The following CNTN5 variants were observed in gnomAD, a reference collection of about 807,000 sequenced individuals.
CNTN5 encodes the protein contactin 5.
A neutral mutation model predicts 129.1 loss-of-function variants in CNTN5; 77 were observed. The ratio of observed to expected loss-of-function variants is 0.60; its 90% CI spans 0.50 to 0.72. CNTN5 has a LOEUF of 0.72. Among genes scored for constraint, CNTN5 ranks in the 30% least tolerant of loss-of-function variants. CNTN5 has a pLI of 0.00. For synonymous variants in CNTN5, 509 were observed against 465.6 expected, an observed-to-expected ratio of 1.09 and a Z score of -1.20; for missense variants, 1,478 against 1,328.8, an observed-to-expected ratio of 1.11 and a Z score of -1.75.
intron 2 of CNTN5, among the ~76,000 whole-genome samples, chr11:99,395,391 G>A (rs548132159): frequency 6.6e-6 from 1 of 151,494 alleles, no homozygotes; most frequent in Non-Finnish European, 1.5e-5. Flanking sequence ...GGTATTGTTT[G>A]TTGGTTTTCT....
chr11:100,266,347 C>T (rs1445644737), intron 17 of CNTN5, among the ~76,000 whole-genome samples: 3 of 152,046 alleles, frequency 2.0e-5, no homozygotes, highest in African/African-American at 7.2e-5. Context: ...CTCTGATGCA[C>T]AATGTTTTCT....
intron 2 of CNTN5, among the ~76,000 whole-genome samples, chr11:99,332,781 T>G (rs1013100007): frequency 6.6e-6 from 1 of 152,078 alleles, no homozygotes; most frequent in African/African-American, 2.4e-5. Flanking sequence ...GTAAATTAAC[T>G]AATTAGTCTA....
chr11:99,061,942 C>T (rs904414486), intron 1 of CNTN5, among the ~76,000 whole-genome samples: 10 of 151,100 alleles, frequency 6.6e-5, no homozygotes, highest in Non-Finnish European at 1.3e-4. Flanking sequence ...CAGTGAGCTA[C>T]GGTTGCACTA....
At chr11:100,036,336 T>G (rs1942003889) in intron 9 of CNTN5, among the ~76,000 whole-genome samples, 1 of 152,052 alleles carries the variant, frequency 6.6e-6, no homozygotes, top group Non-Finnish European at 1.5e-5. Context: ...TATCTCTGTT[T>G]TGGTACCAGT....
At chr11:99,273,438 A>G (rs1272897123) in intron 1 of CNTN5, among the ~76,000 whole-genome samples, 1 of 151,792 alleles carries the variant, frequency 6.6e-6, no homozygotes, top group East Asian at 1.9e-4. Flanking sequence ...TTTGTACAGA[A>G]CCATTTTTCT....
intron 3 of CNTN5, among the ~76,000 whole-genome samples, chr11:99,701,506 T>C (rs1954518557): frequency 6.6e-6 from 1 of 151,098 alleles, no homozygotes; most frequent in African/African-American, 2.4e-5. Context: ...AAATATTAGA[T>C]ATATTTAATG....
chr11:100,111,698 T>C (rs1016865447), intron 13 of CNTN5, among the ~76,000 whole-genome samples: 4 of 152,184 alleles, frequency 2.6e-5, no homozygotes, highest in African/African-American at 9.7e-5. Context: ...GTACAATCCA[T>C]TATTGTTGAC....
intron 3 of CNTN5, among the ~76,000 whole-genome samples, chr11:99,557,747 T>C (rs1169066934): frequency 1.3e-5 from 2 of 151,700 alleles, no homozygotes; most frequent in East Asian, 1.9e-4. Context: ...CCTCAACTTA[T>C]CAGATTATGC....
intron 13 of CNTN5, among the ~76,000 whole-genome samples, chr11:100,140,722 G>C (rs1946670986): frequency 6.6e-6 from 1 of 152,240 alleles, no homozygotes; most frequent in Middle Eastern, 3.4e-3. Context: ...AAATCACCAA[G>C]AATTAAGACA....
intron 9 of CNTN5, among the ~76,000 whole-genome samples, chr11:100,040,803 C>G (rs1281567327): frequency 6.6e-6 from 1 of 152,086 alleles, no homozygotes; most frequent in Non-Finnish European, 1.5e-5. Flanking sequence ...TCCTGGTGTG[C>G]CATTTTTTTA....
chr11:99,363,560 G>T, intron 2 of CNTN5, among the ~76,000 whole-genome samples: 1 of 151,970 alleles, frequency 6.6e-6, no homozygotes, highest in East Asian at 1.9e-4. Flanking sequence ...AAACTGTTGG[G>T]AACATGATGT....
intron 6 of CNTN5, among the ~76,000 whole-genome samples, chr11:99,857,071 C>A (rs1591318564): frequency 6.6e-6 from 1 of 150,554 alleles, no homozygotes; most frequent in South Asian, 2.1e-4. Flanking sequence ...TCCCTCCCTC[C>A]CTCTCTTCCT....
chr11:99,880,426 C>A (rs1365334399), intron 6 of CNTN5, among the ~76,000 whole-genome samples: 2 of 152,070 alleles, frequency 1.3e-5, no homozygotes, highest in Non-Finnish European at 2.9e-5. Context: ...TGTTTCTACT[C>A]CATTCATTTT....
Position 99,453,445 on chromosome 11 carries a change from T to A in CNTN5, c.-70-102700T>A, listed in dbSNP as rs181430018. ...GAAAACTCATTACCAGATGAATATTTGCTTTAGGGAATGGAAGAGTGAATC... is the reference window on the plus strand; with the variant it reads ...GAAAACTCATTACCAGATGAATATTAGCTTTAGGGAATGGAAGAGTGAATC... On this transcript the variant is annotated intron_variant, in intron 2 of 24. Transcript: ENST00000524871. Among the ~76,000 whole-genome samples, 6 of 152,316 alleles carry A rather than the reference T, an allele frequency of 3.9e-5. 1 individual carries two copies. In the East Asian group the frequency reaches 1.2e-3, roughly 29 times the overall value.
intron 1 of CNTN5, among the ~76,000 whole-genome samples, chr11:99,138,459 G>T (rs766038363): frequency 6.6e-6 from 1 of 152,074 alleles, no homozygotes; most frequent in Non-Finnish European, 1.5e-5. Flanking sequence ...TTTTTACATA[G>T]ACACAAATTG....
At chr11:100,045,325 G>A (rs1942608322) in intron 9 of CNTN5, among the ~76,000 whole-genome samples, 1 of 152,018 alleles carries the variant, frequency 6.6e-6, no homozygotes. Flanking sequence ...AGTCACCATG[G>A]TTTAAGGTTG....
intron 17 of CNTN5, among the ~76,000 whole-genome samples, chr11:100,259,092 T>G (rs1950142021): frequency 6.6e-6 from 1 of 151,832 alleles, no homozygotes; most frequent in African/African-American, 2.4e-5. Context: ...AATAAAGGGA[T>G]GGAGAAAGAT....
chr11:99,454,885 T>A (rs1014211007), intron 2 of CNTN5, among the ~76,000 whole-genome samples: 1 of 152,148 alleles, frequency 6.6e-6, no homozygotes, highest in African/African-American at 2.4e-5. Flanking sequence ...ATAGGAAATC[T>A]AGTAGCCTCC....
intron 3 of CNTN5, among the ~76,000 whole-genome samples, chr11:99,586,194 A>T (rs538533914): frequency 6.6e-6 from 1 of 152,150 alleles, no homozygotes; most frequent in East Asian, 1.9e-4. Context: ...CTGCTGACTG[A>T]TTAACCCACT....
Sources: gnomAD v4.1 joint callset for allele counts (sites outside exome capture counted in the v4.1 genomes callset) on GRCh38, gnomAD v4.1.1 for gene constraint, MANE v1.5 for transcripts, NCBI Gene and HGNC (gene_info 2026-07-23, HGNC 2026-07-21) for gene names.